PSD3: variants seen among roughly 807,000 people sequenced by gnomAD.
The protein encoded by PSD3 is pleckstrin and Sec7 domain containing 3.
In PSD3, 49 loss-of-function variants were observed where a neutral mutation model predicts 105.5. The ratio of observed to expected loss-of-function variants is 0.46; its 90% CI spans 0.37 to 0.59. The LOEUF is 0.59. Among genes scored for constraint, PSD3 ranks in the 20% least tolerant of loss-of-function variants. PSD3 has a pLI of 0.00. For synonymous variants in PSD3, 557 were observed against 457.8 expected (o/e 1.22, Z -2.77); for missense variants, 1,561 against 1,263.8 (o/e 1.24, Z -3.57).
At chr8:18,556,412 C>T in intron 14 of PSD3, 60 bp from the exon 15 acceptor site, 9 of 1,532,172 alleles carry the variant, frequency 5.9e-6, no homozygotes, top group Non-Finnish European at 7.1e-6. Flanking sequence ...TAACAAAGCA[C>T]AGCATACTTT....
intron 9 of PSD3, among the ~76,000 whole-genome samples, chr8:18,674,937 G>A (rs534359604): frequency 2.0e-5 from 3 of 152,144 alleles, no homozygotes; most frequent in East Asian, 3.9e-4. Flanking sequence ...GGATTTCAGG[G>A]CTACAGTGAG....
At chr8:18,721,365 G>T (rs920454190) in intron 9 of PSD3, among the ~76,000 whole-genome samples, 3 of 152,026 alleles carry the variant, frequency 2.0e-5, no homozygotes, top group African/African-American at 7.2e-5. Flanking sequence ...ATGTCTATCA[G>T]AATGAACTAA....
At chr8:18,818,346 G>A (rs369624255) in intron 4 of PSD3, among the ~76,000 whole-genome samples, 24 of 151,502 alleles carry the variant, frequency 1.6e-4, no homozygotes, top group African/African-American at 5.8e-4. Context: ...TTTTAAAGTA[G>A]GGAGCTACTT....
chr8:18,682,893 C>A (rs137920007), intron 9 of PSD3, among the ~76,000 whole-genome samples: 3 of 151,938 alleles, frequency 2.0e-5, no homozygotes, highest in Non-Finnish European at 4.4e-5. Flanking sequence ...ACACTGAGAT[C>A]CACCTCCTGA....
At chr8:18,666,654 A>C (rs1025326437) in intron 9 of PSD3, among the ~76,000 whole-genome samples, 2 of 151,194 alleles carry the variant, frequency 1.3e-5, no homozygotes, top group Non-Finnish European at 2.9e-5. Context: ...TCCATGTACA[A>C]GGTAAGCTAG....
intron 10 of PSD3, among the ~76,000 whole-genome samples, chr8:18,637,259 G>C (rs1044804983): frequency 1.3e-5 from 2 of 152,122 alleles, no homozygotes; most frequent in African/African-American, 2.4e-5. Flanking sequence ...ACAATGGTTA[G>C]GTGAAAAACA....
At chr8:18,906,458 G>A (rs148107733) in intron 2 of PSD3, among the ~76,000 whole-genome samples, 1 of 152,334 alleles carries the variant, frequency 6.6e-6, no homozygotes, top group African/African-American at 2.4e-5. Context: ...GCAAACGGGT[G>A]AGGGGAGAGC....
chr8:19,009,495 G>C (rs529674068), intron 1 of PSD3, among the ~76,000 whole-genome samples: 2 of 152,246 alleles, frequency 1.3e-5, no homozygotes, highest in African/African-American at 4.8e-5. Context: ...TTGTCATGGG[G>C]AATAAGGGAG....
At chr8:18,897,271 C>G (rs752031910) in intron 2 of PSD3, among the ~76,000 whole-genome samples, 8 of 152,102 alleles carry the variant, frequency 5.3e-5, no homozygotes, top group Non-Finnish European at 8.8e-5. Context: ...AAGAGACTGT[C>G]CTTTTCCCAG....
intron 8 of PSD3, among the ~76,000 whole-genome samples, chr8:18,769,482 T>C (rs1463940453): frequency 6.6e-6 from 1 of 152,212 alleles, no homozygotes; most frequent in Non-Finnish European, 1.5e-5. Flanking sequence ...AAAAGTATCA[T>C]CTTTATTAAA....
chr8:18,883,119 T>C (rs1586320533), intron 2 of PSD3, among the ~76,000 whole-genome samples: 1 of 152,178 alleles, frequency 6.6e-6, no homozygotes, highest in African/African-American at 2.4e-5. Flanking sequence ...CAGAATCCTG[T>C]TGGTTTCTAA....
chr8:18,782,815 G>A (rs995433507), intron 8 of PSD3, among the ~76,000 whole-genome samples: 2 of 152,200 alleles, frequency 1.3e-5, no homozygotes, highest in Non-Finnish European at 2.9e-5. Flanking sequence ...AGGGCCTAGT[G>A]GCCATCACCG....
intron 13 of PSD3, among the ~76,000 whole-genome samples, 194 bp from the exon 14 acceptor site, chr8:18,572,866 C>T (rs1400717647): frequency 1.3e-5 from 2 of 152,126 alleles, no homozygotes; most frequent in Non-Finnish European, 2.9e-5. Flanking sequence ...ATGATCATCA[C>T]AGTGCCAGAC....
chr8:18,638,133 C>A (rs12546123), intron 10 of PSD3, among the ~76,000 whole-genome samples: 1 of 142,238 alleles, frequency 7.0e-6, no homozygotes, highest in Non-Finnish European at 1.5e-5. Context: ...CCAGCCTGGG[C>A]GACAGAGCGA....
chr8:18,885,261 T>C (rs544666450), intron 2 of PSD3, among the ~76,000 whole-genome samples: 1 of 152,272 alleles, frequency 6.6e-6, no homozygotes, highest in South Asian at 2.1e-4. Flanking sequence ...TTGTAAAATT[T>C]CTCTCTTTAC....
chr8:19,013,876 G>T (rs1166864788), upstream of PSD3, among the ~76,000 whole-genome samples: 1 of 150,260 alleles, frequency 6.7e-6, no homozygotes, highest in Non-Finnish European at 1.5e-5. Flanking sequence ...ACGCCTCGGG[G>T]AGGGGGGAGG....
intron 10 of PSD3, among the ~76,000 whole-genome samples, chr8:18,634,665 T>A (rs934190564): frequency 6.6e-6 from 1 of 152,168 alleles, no homozygotes; most frequent in Non-Finnish European, 1.5e-5. Flanking sequence ...ATTGGTCAGT[T>A]ATCTTGTAGA....
At chr8:19,050,641 A>T (rs746593741) in intron 1 of PSD3, among the ~76,000 whole-genome samples, 3 of 152,134 alleles carry the variant, frequency 2.0e-5, no homozygotes, top group South Asian at 2.1e-4. Flanking sequence ...AACAATGAGA[A>T]CACATGGACA....
intron 8 of PSD3, among the ~76,000 whole-genome samples, chr8:18,794,638 G>T (rs548045718): frequency 6.9e-5 from 1 of 14,434 alleles, no homozygotes; most frequent in East Asian, 6.2e-4. Context: ...CATTGTCTAT[G>T]ATGCCAAGAC....
Sources: allele counts gnomAD v4.1 joint callset (sites outside exome capture counted in the v4.1 genomes callset), GRCh38; gene constraint gnomAD v4.1.1; transcripts MANE v1.5; gene names NCBI Gene and HGNC (gene_info 2026-07-23, HGNC 2026-07-21).